The following NALF1 variants were observed in gnomAD, a reference collection of about 807,000 sequenced individuals.
The protein encoded by NALF1 is NALCN channel auxiliary factor 1, also known as family with sequence similarity 155 member A.
In NALF1, 3 loss-of-function variants were observed where a neutral mutation model predicts 48.4. The observed-to-expected ratio is 0.06, with a 90% CI of 0.03 to 0.16. The LOEUF (loss-of-function observed/expected upper bound fraction) is 0.16. Ranked by LOEUF, NALF1 falls within the 10% of genes least tolerant of loss-of-function variation. The pLI, the probability that NALF1 is intolerant of heterozygous loss-of-function variation, is 1.00. For synonymous variants in NALF1, 262 were observed against 245.7 expected, an observed-to-expected ratio of 1.07 and a Z score of -0.62; for missense variants, 526 against 571.5, an observed-to-expected ratio of 0.92 and a Z score of 0.81.
At chr13:107,569,866 T>C (rs927558792) in intron 1 of NALF1, among the ~76,000 whole-genome samples, 1 of 152,214 alleles carries the variant, frequency 6.6e-6, no homozygotes, top group East Asian at 1.9e-4. Flanking sequence ...AGTCTTCCAA[T>C]ACATGAACAT....
At chr13:107,485,375 T>C (rs920785705) in intron 1 of NALF1, among the ~76,000 whole-genome samples, 1 of 152,186 alleles carries the variant, frequency 6.6e-6, no homozygotes, top group African/African-American at 2.4e-5. Context: ...TTTCCCAGCA[T>C]TCTAAAGTTT....
intron 1 of NALF1, among the ~76,000 whole-genome samples, chr13:107,498,879 C>A (rs74336895): frequency 0.018 from 2,799 of 152,154 alleles, 100 homozygotes; most frequent in African/African-American, 0.064. Flanking sequence ...CAGCTAGAAG[C>A]GCAGTTTTCA....
At chr13:107,292,119 C>T (rs1881632870) in intron 1 of NALF1, among the ~76,000 whole-genome samples, 1 of 152,212 alleles carries the variant, frequency 6.6e-6, no homozygotes, top group Non-Finnish European at 1.5e-5. Context: ...CCCATTGCTC[C>T]TAGGCTACAA....
intron 1 of NALF1, among the ~76,000 whole-genome samples, chr13:107,650,283 G>T (rs553992543): frequency 2.6e-5 from 4 of 151,548 alleles, no homozygotes; most frequent in Admixed American, 2.6e-4. Flanking sequence ...TGGCCTGAAG[G>T]GGGCGAGCGA....
intron 1 of NALF1, among the ~76,000 whole-genome samples, chr13:107,756,435 C>CTCTCTATATATATATA (rs1555323652): frequency 7.1e-6 from 1 of 141,056 alleles, no homozygotes; most frequent in South Asian, 2.2e-4. Context: ...AGTTTAATGG[C>CTCTCTATATATATATA]TATATATATA....
intron 1 of NALF1, among the ~76,000 whole-genome samples, chr13:107,392,264 G>C (rs1305404568): frequency 2.6e-5 from 4 of 152,010 alleles, no homozygotes; most frequent in Non-Finnish European, 5.9e-5. Context: ...TCCAGTCCCT[G>C]AAGATTCACC....
chr13:107,701,821 C>A (rs767509587), intron 1 of NALF1, among the ~76,000 whole-genome samples: 4 of 152,090 alleles, frequency 2.6e-5, no homozygotes, highest in Non-Finnish European at 5.9e-5. Flanking sequence ...ATAATTATCA[C>A]ATAACATCAT....
At chr13:107,355,388 G>A (rs147948320) in intron 1 of NALF1, among the ~76,000 whole-genome samples, 2 of 152,066 alleles carry the variant, frequency 1.3e-5, no homozygotes, top group Non-Finnish European at 1.5e-5. Context: ...TCTTGGTCTT[G>A]TAATCCACTA....
At chr13:107,727,639 A>C (rs1368812556) in intron 1 of NALF1, among the ~76,000 whole-genome samples, 1 of 152,202 alleles carries the variant, frequency 6.6e-6, no homozygotes, top group Non-Finnish European at 1.5e-5. Flanking sequence ...CATGACTAAA[A>C]CACCAAAAGC....
intron 1 of NALF1, among the ~76,000 whole-genome samples, chr13:107,426,187 T>C (rs919423046): frequency 1.3e-5 from 2 of 152,132 alleles, no homozygotes; most frequent in African/African-American, 4.8e-5. Flanking sequence ...CCTCCAACTT[T>C]ACTTTTATTC....
chr13:107,310,271 G>A (rs536454725), intron 1 of NALF1, among the ~76,000 whole-genome samples: 18 of 152,030 alleles, frequency 1.2e-4, no homozygotes, highest in African/African-American at 3.1e-4. Flanking sequence ...TTAGCCGGGC[G>A]TGGTGGCGGG....
At chr13:107,524,883 C>A (rs189626638) in intron 1 of NALF1, among the ~76,000 whole-genome samples, 15 of 152,110 alleles carry the variant, frequency 9.9e-5, no homozygotes, top group Admixed American at 2.0e-4. Context: ...AGTTCAGCAG[C>A]TGCAGCTTAA....
intron 1 of NALF1, among the ~76,000 whole-genome samples, chr13:107,575,837 A>C (rs905652865): frequency 1.3e-5 from 2 of 151,996 alleles, no homozygotes. Flanking sequence ...TTTCAGTTTG[A>C]GATTGCCATA....
At chr13:107,526,552 A>T (rs1042373833) in intron 1 of NALF1, among the ~76,000 whole-genome samples, 1 of 152,180 alleles carries the variant, frequency 6.6e-6, no homozygotes, top group African/African-American at 2.4e-5. Context: ...ATTGAGTTGC[A>T]TTCTAATGAC....
rs559996555 is a variant in NALF1 at position 107,321,352 on chromosome 13, T to C, written c.916-110597A>G. 6.6e-5 allele frequency among the ~76,000 whole-genome samples: 10 copies of C among 152,194 alleles called. No homozygotes were observed. The South Asian group carries it at 2.1e-3, about 32-fold the overall frequency. On this transcript the variant is annotated intron_variant, in intron 1 of 2. Coordinates refer to ENST00000375915, the MANE Select transcript of NALF1 (RefSeq NM_001080396.3). The stretch of plus-strand genomic sequence containing the variant: ...AAAAATATGAGAACATCGCAAGAGA[T>C]TGATATTGAGTATTAATCATTTCCC...
rs531375435 is a variant in NALF1 at position 107,417,032 on chromosome 13, A to G, written c.916-206277T>C. Among the ~76,000 whole-genome samples, 3 of 152,326 alleles carry G rather than the reference A, an allele frequency of 2.0e-5. No individual in the cohort carries two copies. In the South Asian group the frequency reaches 6.2e-4, roughly 32 times the overall value. The stretch of plus-strand genomic sequence containing the variant: ...CCTTGTGCCAACTTTCATTCAGTCA[A>G]TGTGGGAAAATGTTCATCCCATCCC... On this transcript the variant is annotated intron_variant, in intron 1 of 2. Coordinates refer to ENST00000375915, the MANE Select transcript of NALF1 (RefSeq NM_001080396.3).
intron 1 of NALF1, among the ~76,000 whole-genome samples, chr13:107,326,012 T>C (rs2138919085): frequency 6.7e-6 from 1 of 149,924 alleles, no homozygotes; most frequent in East Asian, 2.0e-4. Context: ...TATATGTGTG[T>C]GTGTGTAATC....
At chr13:107,455,128 A>C (rs759434119) in intron 1 of NALF1, among the ~76,000 whole-genome samples, 2 of 152,076 alleles carry the variant, frequency 1.3e-5, no homozygotes, top group Non-Finnish European at 2.9e-5. Context: ...TTACTCGCAT[A>C]TCTCTCTCAC....
intron 1 of NALF1, among the ~76,000 whole-genome samples, chr13:107,536,756 G>A (rs1193248081): frequency 6.6e-6 from 1 of 152,140 alleles, no homozygotes; most frequent in South Asian, 2.1e-4. Context: ...TATAAATCAT[G>A]CAGCTATAAA....
Sources: allele counts gnomAD v4.1 joint callset (sites outside exome capture counted in the v4.1 genomes callset), GRCh38; gene constraint gnomAD v4.1.1; transcripts MANE v1.5; gene names NCBI Gene and HGNC (gene_info 2026-07-23, HGNC 2026-07-21).